Variants in DIAPH2 observed in about 807,000 individuals in gnomAD.
DIAPH2 encodes protein diaphanous homolog 2.
A neutral mutation model predicts 92.7 loss-of-function variants in DIAPH2; 35 were observed. The observed-to-expected ratio is 0.38, with a 90% CI of 0.29 to 0.50. The LOEUF is 0.50. Ranked by LOEUF, DIAPH2 falls within the 20% of genes least tolerant of loss-of-function variation. The pLI is 0.94. For synonymous variants in DIAPH2, 301 were observed against 280.4 expected (o/e 1.07, Z -0.73); for missense variants, 701 against 819.5 (o/e 0.86, Z 1.77).
chrX:97,561,605 T>C (rs2147869345), intron 26 of DIAPH2, among the ~76,000 whole-genome samples: 1 of 112,663 alleles, frequency 8.9e-6, no homozygotes, highest in South Asian at 3.7e-4. Context: ...TTGTGCTGCT[T>C]AACCTTTGAG....
Position 97,095,098 on chromosome X carries a change from C to CTTTTTTTTTTTTTTTT in DIAPH2, c.2248-4575_2248-4560dup, listed in dbSNP as rs61350837. On this transcript the variant is annotated intron_variant, in intron 19 of 26. Transcript: ENST00000324765. The stretch of plus-strand genomic sequence containing the variant: ...GACTTTTAGGGAAATGTTTCTTTTT[C>CTTTTTTTTTTTTTTTT]TTTTTTTTTTTTTTTTTTTTTTTTT... Among the ~76,000 whole-genome samples the CTTTTTTTTTTTTTTTT allele has an allele frequency of 4.9e-4, 11 of 22,404 alleles. 3 individuals are homozygous for CTTTTTTTTTTTTTTTT. Among genetic ancestry groups the CTTTTTTTTTTTTTTTT allele is most frequent in the East Asian group, 3.7e-3 (2 of 546 alleles). The allele number at this position is 22,404 out of a possible 115,157, so 19.5% of individuals were successfully genotyped here. A position where few individuals can be genotyped will look rare whatever the true frequency, so the allele number is the denominator to read the frequency against.
intron 9 of DIAPH2, among the ~76,000 whole-genome samples, chrX:96,923,540 CTATT>C (rs917174538): frequency 7.2e-5 from 8 of 111,834 alleles, no homozygotes; most frequent in Non-Finnish European, 1.3e-4. Flanking sequence ...TAATGAGAGC[CTATT>C]TATTCTCTTT....
rs1379055981 is a variant in DIAPH2, at chrX:97,235,458, G to A, written c.2720-12257G>A. Among the ~76,000 whole-genome samples, 6 of 109,869 alleles carry A rather than the reference G, an allele frequency of 5.5e-5. No homozygotes were observed. The East Asian group carries it at 1.7e-3, about 31-fold the overall frequency. On this transcript the variant is annotated intron_variant, in intron 22 of 26. Transcript: ENST00000324765. The stretch of plus-strand genomic sequence containing the variant: ...ATCTCTACTCAAAATACAAAAATTA[G>A]CCAGGCGTGGTGGCACATGCCTGTA...
chrX:97,345,683 G>A (rs2069150581), intron 23 of DIAPH2, among the ~76,000 whole-genome samples: 1 of 111,875 alleles, frequency 8.9e-6, no homozygotes, highest in African/African-American at 3.2e-5. Context: ...TGCATCTAGA[G>A]AAATTTTACT....
rs1569323331 is a variant in DIAPH2, at chrX:97,185,465, A to ATGTGTGTG, written c.2719+43672_2719+43673insGTGTGTGT. Among the ~76,000 whole-genome samples, 48 of 30,849 alleles carry ATGTGTGTG rather than the reference A, an allele frequency of 1.6e-3. 4 individuals are homozygous for ATGTGTGTG. The highest frequency in any genetic ancestry group is 0.022 in the Middle Eastern group (1 of 46). 26.8% of individuals were successfully genotyped at this position (30,849 alleles called of 115,157 possible). On this transcript the variant is annotated intron_variant, in intron 22 of 26. Transcript: ENST00000324765. ...TATATATATGTGTGTGTATATATAT[A>ATGTGTGTG]TATATACACATATATATATATATAT... is the stretch of plus-strand genomic sequence containing the variant.
At chrX:97,510,350 G>T (rs1357832019) in intron 26 of DIAPH2, among the ~76,000 whole-genome samples, 1 of 111,278 alleles carries the variant, frequency 9.0e-6, no homozygotes, top group Non-Finnish European at 1.9e-5. Flanking sequence ...ACTTTTTGAT[G>T]GTGTTGTTTG....
intron 26 of DIAPH2, among the ~76,000 whole-genome samples, chrX:97,450,633 C>G (rs2070351105): frequency 9.0e-6 from 1 of 111,379 alleles, no homozygotes; most frequent in Non-Finnish European, 1.9e-5. Flanking sequence ...AACTTTTGCC[C>G]TGAGTCCTTC....
At chrX:96,864,223 T>C (rs1341473837) in intron 4 of DIAPH2, among the ~76,000 whole-genome samples, 2 of 111,280 alleles carry the variant, frequency 1.8e-5, no homozygotes, top group Admixed American at 9.6e-5. Flanking sequence ...ACAGTTCAGA[T>C]TGTTTCCTGT....
chrX:97,028,269 G>A (rs957319957), intron 17 of DIAPH2, among the ~76,000 whole-genome samples: 2 of 111,140 alleles, frequency 1.8e-5, no homozygotes, highest in Non-Finnish European at 3.8e-5. Flanking sequence ...CCCTGGCAGT[G>A]TGGTACCCAT....
chrX:97,095,298 A>C lies in DIAPH2; in HGVS notation c.2248-4396A>C, dbSNP rs190297191. 3.7e-3 allele frequency among the ~76,000 whole-genome samples: 385 copies of C among 103,538 alleles called. 1 individual carries two copies. The highest frequency in any genetic ancestry group is 0.013 in the African/African-American group (373 of 28,668). 89.9% of individuals were successfully genotyped at this position (103,538 alleles called of 115,157 possible). A position where few individuals can be genotyped will look rare whatever the true frequency, so the allele number is the denominator to read the frequency against. On this transcript the variant is annotated intron_variant, in intron 19 of 26. Coordinates refer to ENST00000324765, the MANE Select transcript of DIAPH2 (RefSeq NM_006729.5). ...TGCCTGGCTAATTTTTTGTATTTTT[A>C]GTAGAGACGGGGTTTCACCGTGTTA...
At chrX:96,963,112 TACA>T (rs1347320128) in intron 16 of DIAPH2, among the ~76,000 whole-genome samples, 1 of 112,065 alleles carries the variant, frequency 8.9e-6, no homozygotes, top group African/African-American at 3.2e-5. Flanking sequence ...GTTGGGTATA[TACA>T]ACTGGCTTCT....
chrX:97,426,854 C>T lies in DIAPH2; in HGVS notation c.3146-2796C>T, dbSNP rs759293826. Among the ~76,000 whole-genome samples, 4 of 111,280 alleles carry T rather than the reference C, an allele frequency of 3.6e-5. No homozygotes were observed. In the East Asian group the frequency reaches 1.1e-3, roughly 31 times the overall value. The stretch of plus-strand genomic sequence containing the variant: ...TGTAAAATACATCATTTTGAAAATA[C>T]ATTTGGTTGAATGTTTACTTAATGT... On this transcript the variant is annotated intron_variant, in intron 25 of 26. Coordinates refer to ENST00000324765, the MANE Select transcript of DIAPH2 (RefSeq NM_006729.5).
intron 2 of DIAPH2, among the ~76,000 whole-genome samples, chrX:96,736,606 C>T (rs2064089905): frequency 1.8e-5 from 2 of 111,602 alleles, no homozygotes; most frequent in South Asian, 7.5e-4. Context: ...GGGGTTTCAC[C>T]GTCTTAGCCA....
intron 26 of DIAPH2, among the ~76,000 whole-genome samples, chrX:97,510,228 A>G (rs373674221): frequency 0.078 from 8,439 of 107,510 alleles, 600 homozygotes; most frequent in African/African-American, 0.21. Context: ...GTATCTCATT[A>G]TGGTTTTGAT....
intron 24 of DIAPH2, among the ~76,000 whole-genome samples, chrX:97,357,663 G>A (rs1234750130): frequency 8.9e-6 from 1 of 111,812 alleles, no homozygotes; most frequent in Non-Finnish European, 1.9e-5. Flanking sequence ...CAAACACAGT[G>A]CTGATCTCGA....
chrX:96,771,256 AATCT>A lies in DIAPH2; in HGVS notation c.447+13002_447+13005del, dbSNP rs756860996. 3.6e-5 allele frequency among the ~76,000 whole-genome samples: 4 copies of A among 111,960 alleles called. No individual in the cohort carries two copies. In the East Asian group the frequency reaches 8.4e-4, roughly 24 times the overall value. On this transcript the variant is annotated intron_variant, in intron 4 of 26. Transcript: ENST00000324765. Reference sequence around the variant, plus strand: ...ATGAATAGGGGTCATTATGTTTTATAATCTATCCTGATATTAGAAATGAAAAGAT... The same window carrying A: ...ATGAATAGGGGTCATTATGTTTTATAATCCTGATATTAGAAATGAAAAGAT...
At chrX:97,277,728 C>T (rs938356685) in intron 23 of DIAPH2, among the ~76,000 whole-genome samples, 1 of 112,162 alleles carries the variant, frequency 8.9e-6, no homozygotes, top group Non-Finnish European at 1.9e-5. Context: ...GTTCCTCAAT[C>T]TGAATGTTGA....
At chrX:97,402,429 T>G (rs1312078300) in intron 25 of DIAPH2, among the ~76,000 whole-genome samples, 1 of 111,665 alleles carries the variant, frequency 9.0e-6, no homozygotes, top group Admixed American at 9.6e-5. Flanking sequence ...TTAGTATACT[T>G]ATTCAATAAT....
chrX:96,865,900 A>G (rs2065101688), intron 4 of DIAPH2, among the ~76,000 whole-genome samples: 1 of 112,075 alleles, frequency 8.9e-6, no homozygotes, highest in Non-Finnish European at 1.9e-5. Flanking sequence ...GCATAGGGCC[A>G]GACACTTTAC....
Sources: gnomAD v4.1 joint callset for allele counts (sites outside exome capture counted in the v4.1 genomes callset) on GRCh38, gnomAD v4.1.1 for gene constraint, MANE v1.5 for transcripts, NCBI Gene and HGNC (gene_info 2026-07-23, HGNC 2026-07-21) for gene names.